The following SPPL3 variants were observed in gnomAD, a reference collection of about 807,000 sequenced individuals.
SPPL3 encodes the protein signal peptide peptidase like 3.
A neutral mutation model predicts 42.4 loss-of-function variants in SPPL3; 5 were observed. The observed-to-expected ratio is 0.12, with a 90% confidence interval of 0.06 to 0.25. SPPL3 has a LOEUF of 0.25. Ranked by LOEUF, SPPL3 falls within the 10% of genes least tolerant of loss-of-function variation. SPPL3 has a pLI of 1.00. For synonymous variants in SPPL3, 195 were observed against 181.8 expected (o/e 1.07, Z -0.58); for missense variants, 235 against 489.0 (o/e 0.48, Z 4.90).
intron 2 of SPPL3, among the ~76,000 whole-genome samples, chr12:120,805,070 C>T (rs563540747): frequency 1.1e-4 from 17 of 151,914 alleles, no homozygotes; most frequent in Non-Finnish European, 1.6e-4. Flanking sequence ...CTAGGGCTGG[C>T]GGGCAGGGAA....
At chr12:120,840,732 T>C (rs1170163476) in intron 1 of SPPL3, among the ~76,000 whole-genome samples, 2 of 151,910 alleles carry the variant, frequency 1.3e-5, no homozygotes, top group African/African-American at 2.4e-5. Flanking sequence ...TTTGGGGGGC[T>C]GAGGCAGAAG....
intron 1 of SPPL3, among the ~76,000 whole-genome samples, chr12:120,823,298 T>C (rs77500769): frequency 0.012 from 1,837 of 152,016 alleles, 16 homozygotes; most frequent in Non-Finnish European, 0.02. Context: ...CTACCAAAGC[T>C]AGGGATCTGG....
chr12:120,791,264 ATCTT>A (rs376390908), intron 3 of SPPL3, among the ~76,000 whole-genome samples: 1 of 152,330 alleles, frequency 6.6e-6, no homozygotes, highest in African/African-American at 2.4e-5. Flanking sequence ...TCAAATTCAA[ATCTT>A]TCTATAAGCA....
Position 120,891,753 on chromosome 12 carries a change from A to G in SPPL3, c.23+12092T>C, listed in dbSNP as rs796552628. 5.8e-3 allele frequency among the ~76,000 whole-genome samples: 879 copies of G among 151,500 alleles called. 11 individuals carry two copies. Among genetic ancestry groups the G allele is most frequent in the African/African-American group, 0.019 (792 of 41,396 alleles). On this transcript the variant is annotated intron_variant, in intron 1 of 10. Coordinates refer to ENST00000353487, the MANE Select transcript of SPPL3 (RefSeq NM_139015.5). ...GCAAATTCTAAAAAAAAAAAAAAAA[A>G]AAAGCAGCTGAGTGTCTCCACTTTA...
At chr12:120,790,327 C>T (rs1047012030) in intron 3 of SPPL3, among the ~76,000 whole-genome samples, 6 of 152,166 alleles carry the variant, frequency 3.9e-5, no homozygotes, top group Admixed American at 6.5e-5. Flanking sequence ...GGTCTGTGCC[C>T]GGTGAAAACT....
At chr12:120,893,308 G>A (rs1312437935) in intron 1 of SPPL3, among the ~76,000 whole-genome samples, 2 of 151,916 alleles carry the variant, frequency 1.3e-5, no homozygotes, top group Admixed American at 1.3e-4. Context: ...AAATTATCCA[G>A]GCGTGGCGGC....
rs561132750 is a variant in SPPL3, at chr12:120,767,610, C to A, written c.774-17G>T. Reference sequence around the variant, plus strand: ...CCAGTGGAGCTGGAATGCAGTTTCACAGGTTAGTGACGTCACACTCTACAA... The same window carrying A: ...CCAGTGGAGCTGGAATGCAGTTTCAAAGGTTAGTGACGTCACACTCTACAA... On this transcript the variant is annotated splice_polypyrimidine_tract_variant and intron_variant, in intron 8 of 10. Coordinates refer to ENST00000353487, the MANE Select transcript of SPPL3 (RefSeq NM_139015.5). 38 of 1,613,642 alleles carry A rather than the reference C, an allele frequency of 2.4e-5. No individual in the cohort carries two copies. In the African/African-American group the frequency reaches 3.6e-4, roughly 15 times the overall value.
chr12:120,900,780 G>A (rs1873952915), intron 1 of SPPL3, among the ~76,000 whole-genome samples: 1 of 151,944 alleles, frequency 6.6e-6, no homozygotes. Flanking sequence ...TAAACTAGCA[G>A]ACGTGGTTGT....
chr12:120,903,993 C>G lies in SPPL3; in HGVS notation c.-126G>C. The G allele has an allele frequency of 1.2e-6, 1 of 815,132 alleles. No individual in the cohort carries two copies. The highest frequency in any genetic ancestry group is 3.6e-5 in the East Asian group (1 of 27,400). 50.5% of individuals were successfully genotyped at this position (815,132 alleles called of 1,614,324 possible). On this transcript the variant is annotated 5_prime_UTR_variant, in exon 1 of 11. Transcript: ENST00000353487. The stretch of plus-strand genomic sequence containing the variant: ...GCTTGCTTGCTCGCTCGCTGGCTCG[C>G]TGGCTGCACGGCGGGCCGGGAAGGC...
intron 10 of SPPL3, among the ~76,000 whole-genome samples, chr12:120,765,815 G>A (rs1868868610): frequency 6.6e-6 from 1 of 152,194 alleles, no homozygotes; most frequent in African/African-American, 2.4e-5. Context: ...ACGGGGCTGA[G>A]AATAGATATC....
At chr12:120,821,102 A>G (rs1871052707) in intron 1 of SPPL3, among the ~76,000 whole-genome samples, 1 of 152,228 alleles carries the variant, frequency 6.6e-6, no homozygotes. Flanking sequence ...TATGAAAGAA[A>G]GGTATTAGTC....
chr12:120,861,550 T>C (rs1872618829), intron 1 of SPPL3, among the ~76,000 whole-genome samples: 1 of 152,184 alleles, frequency 6.6e-6, no homozygotes, highest in Non-Finnish European at 1.5e-5. Flanking sequence ...ATCCTTGCAT[T>C]ACTACTGTCA....
intron 1 of SPPL3, among the ~76,000 whole-genome samples, chr12:120,863,834 TTTTTC>T (rs1221873134): frequency 1.8e-4 from 27 of 151,676 alleles, no homozygotes; most frequent in Non-Finnish European, 3.1e-4. Context: ...TGTAGCTTTC[TTTTTC>T]TTTTCTTTTC....
At chr12:120,779,925 G>C (rs1869465967) in intron 6 of SPPL3, among the ~76,000 whole-genome samples, 3 of 150,772 alleles carry the variant, frequency 2.0e-5, no homozygotes, top group African/African-American at 7.3e-5. Context: ...TTGAACCTAG[G>C]AGGCGGAGGT....
chr12:120,831,098 GA>G (rs2137017900), intron 1 of SPPL3, among the ~76,000 whole-genome samples: 1 of 152,176 alleles, frequency 6.6e-6, no homozygotes, highest in East Asian at 1.9e-4. Flanking sequence ...TCCTTGAGGT[GA>G]AACATTCAAC....
chr12:120,852,697 ATTT>A (rs1185363377), intron 1 of SPPL3, among the ~76,000 whole-genome samples: 18,777 of 42,010 alleles, frequency 0.45, 6,224 homozygotes, highest in East Asian at 0.74. Flanking sequence ...TAATATACAT[ATTT>A]TACATATATG....
intron 9 of SPPL3, 104 bp from the exon 10 acceptor site, chr12:120,766,476 C>G: frequency 1.1e-6 from 1 of 875,332 alleles, no homozygotes; most frequent in Non-Finnish European, 1.7e-6. Context: ...GTGCTGTCGT[C>G]CATTCTATGG....
intron 7 of SPPL3, chr12:120,768,712 A>C: frequency 1.6e-6 from 1 of 643,824 alleles, no homozygotes; most frequent in Non-Finnish European, 2.6e-6. Context: ...CACTGCAGCG[A>C]ATCTTGTCAG....
At chr12:120,835,931 G>A (rs781195691) in intron 1 of SPPL3, among the ~76,000 whole-genome samples, 38 of 152,264 alleles carry the variant, frequency 2.5e-4, no homozygotes, top group Non-Finnish European at 4.1e-4. Context: ...CAACAGAACT[G>A]TTCTATCTGA....
Sources: allele counts gnomAD v4.1 joint callset (sites outside exome capture counted in the v4.1 genomes callset), GRCh38; gene constraint gnomAD v4.1.1; transcripts MANE v1.5; gene names NCBI Gene and HGNC (gene_info 2026-07-23, HGNC 2026-07-21).